SCEL: variants seen among roughly 807,000 people sequenced by gnomAD.
The protein encoded by SCEL is sciellin.
SCEL carries 113 observed loss-of-function variants against 117.6 expected under a neutral mutation model. The ratio of observed to expected loss-of-function variants is 0.96; its 90% CI spans 0.83 to 1.12. The LOEUF is 1.12. Ranked by LOEUF, SCEL falls within the 50% of genes most tolerant of loss-of-function variation. The pLI, the probability that SCEL is intolerant of heterozygous loss-of-function variation, is 0.00. For synonymous variants in SCEL, 270 were observed against 256.2 expected, an observed-to-expected ratio of 1.05 and a Z score of -0.51; for missense variants, 785 against 810.8, an observed-to-expected ratio of 0.97 and a Z score of 0.39.
Position 77,558,820 on chromosome 13 carries a change from A to AG in SCEL, c.162-984_162-983insG, listed in dbSNP as rs34584545. On this transcript the variant is annotated intron_variant, in intron 3 of 32. Coordinates refer to ENST00000349847, the MANE Select transcript of SCEL (RefSeq NM_144777.3). The stretch of plus-strand genomic sequence containing the variant: ...GCGACAGAGCAAGACTCTGTCTTAC[A>AG]AAAAAAAAAAAAAAAAAAAAGGTAC... Among the ~76,000 whole-genome samples, 30 of 32,068 alleles carry AG rather than the reference A, an allele frequency of 9.4e-4. 1 individual carries two copies. The South Asian group carries it at 0.046, about 49-fold the overall frequency. The allele number at this position is 32,068 out of a possible 152,430, so 21.0% of individuals were successfully genotyped here.
chr13:77,599,583 T>C, intron 14 of SCEL, 106 bp from the exon 15 acceptor site: 1 of 954,414 alleles, frequency 1.0e-6, no homozygotes, highest in Non-Finnish European at 1.7e-6. Flanking sequence ...TCAATAAGAG[T>C]AAATGAGCAA....
At chr13:77,589,608 G>T (rs1411258854) in intron 10 of SCEL, among the ~76,000 whole-genome samples, 1 of 152,056 alleles carries the variant, frequency 6.6e-6, no homozygotes, top group Non-Finnish European at 1.5e-5. Flanking sequence ...GTTCATGTTT[G>T]TTCCAAGTTA....
chr13:77,615,494 TG>T (rs1373220093), intron 24 of SCEL, among the ~76,000 whole-genome samples: 1 of 152,154 alleles, frequency 6.6e-6, no homozygotes, highest in Non-Finnish European at 1.5e-5. Context: ...TAGATTACAA[TG>T]GCACAAATGT....
rs137885561 is a variant in SCEL at position 77,615,069 on chromosome 13, G to T, written c.1451+1114G>T. Among the ~76,000 whole-genome samples, 307 of 152,196 alleles carry T rather than the reference G, an allele frequency of 2.0e-3. 1 individual carries two copies. Among genetic ancestry groups the T allele is most frequent in the African/African-American group, 7.2e-3 (299 of 41,540 alleles). ...TTACATTTTGGAGCACTCATGTACT[G>T]CTTGCTGAATATAGAATATATTGTC... On this transcript the variant is annotated intron_variant, in intron 24 of 32. Transcript: ENST00000349847.
At chr13:77,616,602 A>G (rs904217488) in intron 24 of SCEL, among the ~76,000 whole-genome samples, 4 of 152,076 alleles carry the variant, frequency 2.6e-5, no homozygotes, top group Non-Finnish European at 4.4e-5. Context: ...GGTGAGAACC[A>G]TGAAGAATAA....
chr13:77,549,438 G>C (rs2084177971), intron 1 of SCEL, among the ~76,000 whole-genome samples: 1 of 152,190 alleles, frequency 6.6e-6, no homozygotes, highest in Non-Finnish European at 1.5e-5. Context: ...TTGGTAACGT[G>C]GTAGAATATC....
chr13:77,640,227 G>A (rs2090495366), intron 30 of SCEL, among the ~76,000 whole-genome samples: 1 of 152,080 alleles, frequency 6.6e-6, no homozygotes, highest in South Asian at 2.1e-4. Context: ...ATGTGCTCTT[G>A]AATGGATTTC....
chr13:77,569,203 A>G (rs2085456462), intron 7 of SCEL, among the ~76,000 whole-genome samples, 168 bp from the exon 8 acceptor site: 1 of 152,228 alleles, frequency 6.6e-6, no homozygotes, highest in South Asian at 2.1e-4. Flanking sequence ...AACTTCTAAA[A>G]TATGTCAACT....
intron 14 of SCEL, 22 bp from the exon 15 acceptor site, chr13:77,599,667 G>A (rs909087287): frequency 6.4e-7 from 1 of 1,571,408 alleles, no homozygotes; most frequent in East Asian, 2.2e-5. Context: ...AGCCTTTTAT[G>A]TGAATTTCTT....
At chr13:77,605,994 T>C (rs2088142665) in intron 19 of SCEL, among the ~76,000 whole-genome samples, 1 of 151,844 alleles carries the variant, frequency 6.6e-6, no homozygotes, top group East Asian at 1.9e-4. Context: ...TCTGAAAAAA[T>C]AATAATATTT....
At chr13:77,582,033 G>C (rs1369311948) in intron 9 of SCEL, among the ~76,000 whole-genome samples, 4 of 152,046 alleles carry the variant, frequency 2.6e-5, no homozygotes, top group African/African-American at 7.3e-5. Flanking sequence ...GGGAGTGGGG[G>C]ATGGGGGTGA....
chr13:77,604,723 T>C (rs2087996362), intron 19 of SCEL, among the ~76,000 whole-genome samples: 1 of 152,192 alleles, frequency 6.6e-6, no homozygotes, highest in Admixed American at 6.5e-5. Context: ...TATTAGTGTA[T>C]GTGTGTGAAT....
At chr13:77,576,750 C>T (rs183444674) in intron 9 of SCEL, among the ~76,000 whole-genome samples, 1 of 152,100 alleles carries the variant, frequency 6.6e-6, no homozygotes, top group Admixed American at 6.6e-5. Context: ...TTCACAATAT[C>T]GAGTCTTCCT....
chr13:77,633,999 T>C (rs1567444836), intron 28 of SCEL, among the ~76,000 whole-genome samples: 1 of 152,238 alleles, frequency 6.6e-6, no homozygotes, highest in Non-Finnish European at 1.5e-5. Flanking sequence ...TGATAGCTAA[T>C]TAAGGTCTAC....
At chr13:77,598,175 G>A (rs2154401044) in intron 13 of SCEL, among the ~76,000 whole-genome samples, 1 of 152,298 alleles carries the variant, frequency 6.6e-6, no homozygotes, top group South Asian at 2.1e-4. Context: ...TGCCCAGGCT[G>A]TATCTTCTTG....
At position 77,608,867 on chromosome 13, in the gene SCEL, C is replaced by T. The variant is rs193091383; in HGVS notation, c.1218-191C>T. On this transcript the variant is annotated intron_variant, in intron 20 of 32. Transcript: ENST00000349847. ...TATTTTGGGGGTAAATGAGAAACTA[C>T]GTCAGTGTACCAGTGATTGGTAAGA... 5.3e-4 allele frequency among the ~76,000 whole-genome samples: 81 copies of T among 152,032 alleles called. No homozygotes were observed. In the Middle Eastern group the frequency reaches 0.01, roughly 19 times the overall value.
At position 77,563,071 on chromosome 13, in the gene SCEL, A is replaced by T. The variant is rs557018756; in HGVS notation, c.222-760A>T. On this transcript the variant is annotated intron_variant, in intron 4 of 32. Coordinates refer to ENST00000349847, the MANE Select transcript of SCEL (RefSeq NM_144777.3). Reference sequence around the variant, plus strand: ...TCAGGATCTTTCCTTTGCTTCCATGATCACGATTCCTTCTACTGAGTCTTC... The same window carrying T: ...TCAGGATCTTTCCTTTGCTTCCATGTTCACGATTCCTTCTACTGAGTCTTC... Among the ~76,000 whole-genome samples, 41 of 152,254 alleles carry T rather than the reference A, an allele frequency of 2.7e-4. 2 individuals carry two copies. In the South Asian group the frequency reaches 7.5e-3, roughly 28 times the overall value.
In SCEL at chr13:77,617,991, C is replaced by G; in HGVS notation, c.1572-13C>G. ...TACCAATCTGAACTTTTTTCTCTCT[C>G]TCTTTTAAACAGCCAAGACTTGGAC... On this transcript the variant is annotated splice_polypyrimidine_tract_variant and intron_variant, in intron 26 of 32. Transcript: ENST00000349847. 6.2e-7 allele frequency: 1 copy of G among 1,612,820 alleles called. No homozygotes were observed. Among genetic ancestry groups the G allele is most frequent in the Admixed American group, 1.7e-5 (1 of 59,962 alleles).
At chr13:77,642,274 C>A (rs2090592627) in intron 31 of SCEL, among the ~76,000 whole-genome samples, 1 of 152,102 alleles carries the variant, frequency 6.6e-6, no homozygotes, top group Admixed American at 6.6e-5. Flanking sequence ...GAAAGCCAAC[C>A]AATCAGTGAC....
Sources: gnomAD v4.1 joint callset for allele counts (sites outside exome capture counted in the v4.1 genomes callset) on GRCh38, gnomAD v4.1.1 for gene constraint, MANE v1.5 for transcripts, NCBI Gene and HGNC (gene_info 2026-07-23, HGNC 2026-07-21) for gene names.